The following CACNA1I variants were observed in gnomAD, a reference collection of about 807,000 sequenced individuals.
The protein encoded by CACNA1I is voltage-dependent T-type calcium channel subunit alpha-1I.
CACNA1I carries 74 observed loss-of-function variants against 201.6 expected under a neutral mutation model. The ratio of observed to expected loss-of-function variants is 0.37; its 90% CI spans 0.30 to 0.45. CACNA1I has a LOEUF of 0.45. Ranked by LOEUF, CACNA1I falls within the 20% of genes least tolerant of loss-of-function variation. The pLI is 1.00. For synonymous variants in CACNA1I, 1,431 were observed against 1,345.2 expected (o/e 1.06, Z -1.40); for missense variants, 2,346 against 3,138.1 (o/e 0.75, Z 6.03).
At position 39,687,067 on chromosome 22, in the gene CACNA1I, A is replaced by G. The variant is rs953661668; in HGVS notation, c.*662A>G. On this transcript the variant is annotated 3_prime_UTR_variant, in exon 37 of 37. Coordinates refer to ENST00000402142, the MANE Select transcript of CACNA1I (RefSeq NM_021096.4). ...AAGTCTTTCGTAGACACCCCAGAGC[A>G]CACACATCCCCTTAGTCCACCGGTT... The G allele has an allele frequency of 2.6e-5, 4 of 152,152 alleles. No homozygotes were observed. The highest frequency in any genetic ancestry group is 5.9e-5 in the Non-Finnish European group (4 of 68,046). 9.4% of individuals were successfully genotyped at this position (152,152 alleles called of 1,614,324 possible).
At position 39,677,202 on chromosome 22, in the gene CACNA1I, A is replaced by G. The variant is rs1286508345; in HGVS notation, c.4855-139A>G. Reference sequence around the variant, plus strand: ...GGTCCTGTAGGGGTGGCAGACGTGGACACACAGCCTGGGGGAATGTTACAG... The same window carrying G: ...GGTCCTGTAGGGGTGGCAGACGTGGGCACACAGCCTGGGGGAATGTTACAG... On this transcript the variant is annotated intron_variant, in intron 29 of 36. Coordinates refer to ENST00000402142, the MANE Select transcript of CACNA1I (RefSeq NM_021096.4). This position sits in a 1 kb window ranked among gnomAD's most constrained non-coding sequence, Gnocchi z 4.8. The G allele has an allele frequency of 1.6e-6, 1 of 612,928 alleles. No individual in the cohort carries two copies. The highest frequency in any genetic ancestry group is 1.9e-5 in the African/African-American group (1 of 53,800). The allele number at this position is 612,928 out of a possible 1,614,324, so 38.0% of individuals were successfully genotyped here.
chr22:39,620,739 G>GTTGTTTGT (rs565416020), intron 4 of CACNA1I, among the ~76,000 whole-genome samples: 1 of 137,868 alleles, frequency 7.3e-6, no homozygotes. Context: ...TTTTGTTGTT[G>GTTGTTTGT]TTGTTTGTTT....
chr22:39,684,958 T>G lies in CACNA1I; in HGVS notation c.6027+460T>G. 6 of 260,516 alleles carry G rather than the reference T, an allele frequency of 2.3e-5. No homozygotes were observed. Among genetic ancestry groups the G allele is most frequent in the East Asian group, 1.8e-4 (2 of 11,062 alleles). The allele number at this position is 260,516 out of a possible 1,614,324, so 16.1% of individuals were successfully genotyped here. A position where few individuals can be genotyped will look rare whatever the true frequency, so the allele number is the denominator to read the frequency against. On this transcript the variant is annotated intron_variant, in intron 36 of 36. Transcript: ENST00000402142. This position sits in a 1 kb window ranked among gnomAD's most constrained non-coding sequence, Gnocchi z 4.6. ...GGCTGCAGGGTCCCCCGTACTGGAT[T>G]GGCCAGGGCCACAGCCCTCCTACCC...
intron 14 of CACNA1I, 64 bp from the exon 15 acceptor site, chr22:39,660,280 A>G: frequency 7.8e-7 from 1 of 1,276,126 alleles, no homozygotes; most frequent in Non-Finnish European, 1.1e-6. Context: ...GAAAAATTCT[A>G]GAGGGAGCTG....
Position 39,646,715 on chromosome 22 carries a change from C to T in CACNA1I, c.1296C>T (p.Gly432=), listed in dbSNP as rs61623451. The change falls in exon 8 of 37, where the codon GGC becomes GGT. Residue 432 remains glycine, a synonymous_variant. Coordinates refer to ENST00000402142, the MANE Select transcript of CACNA1I (RefSeq NM_021096.4). The part of the protein sequence containing the change: ...SSTVASYAEP[G]DCYEEIFQYV... The stretch of plus-strand genomic sequence containing the variant: ...CGGTGGCCAGCTACGCCGAGCCTGG[C>T]GACTGCTACGAGGAGATCTTCCAGT... The T allele has an allele frequency of 0.011, 18,245 of 1,596,450 alleles. 136 individuals are homozygous for T. The highest frequency in any genetic ancestry group is 0.013 in the Non-Finnish European group (15,727 of 1,171,794).
chr22:39,618,010 GGAGT>G (rs1456402016), intron 3 of CACNA1I, among the ~76,000 whole-genome samples: 1 of 151,890 alleles, frequency 6.6e-6, no homozygotes, highest in African/African-American at 2.4e-5. Flanking sequence ...GTCCAAGAAG[GGAGT>G]GAGTGTGTGT....
chr22:39,664,079 C>G lies in CACNA1I; in HGVS notation c.3598-12C>G. 6.2e-7 allele frequency: 1 copy of G among 1,612,204 alleles called. No individual in the cohort carries two copies. The highest frequency in any genetic ancestry group is 8.5e-7 in the Non-Finnish European group (1 of 1,178,542). ...GAGCCCCTGAGCCTATGGTATCTCCCGATGCTTTCAGGAACGCATCTTTCT... is the reference window on the plus strand; with the variant it reads ...GAGCCCCTGAGCCTATGGTATCTCCGGATGCTTTCAGGAACGCATCTTTCT... On this transcript the variant is annotated splice_polypyrimidine_tract_variant and intron_variant, in intron 19 of 36. Transcript: ENST00000402142.
At chr22:39,573,400 C>T (rs1236450386) in intron 1 of CACNA1I, among the ~76,000 whole-genome samples, 5 of 152,100 alleles carry the variant, frequency 3.3e-5, no homozygotes, top group Non-Finnish European at 7.4e-5. Flanking sequence ...CCAGCTGCGT[C>T]TCTGATGGGC....
chr22:39,587,916 C>T (rs1435869211), intron 1 of CACNA1I, among the ~76,000 whole-genome samples: 3 of 151,856 alleles, frequency 2.0e-5, no homozygotes, highest in African/African-American at 7.3e-5. Context: ...GCTGGGACTA[C>T]AGGCATGTGC....
rs373791511 is a variant in CACNA1I at position 39,595,316 on chromosome 22, AAAAAT to A, written c.237-2820_237-2816del. On this transcript the variant is annotated intron_variant, in intron 1 of 36. Transcript: ENST00000402142. ...ATAAATAAATAAATAAACAAAAATA[AAAAAT>A]AAAATAAAATAAAACAATTAGGCCA... Among the ~76,000 whole-genome samples the A allele has an allele frequency of 7.9e-3, 1,186 of 150,564 alleles. 15 individuals are homozygous for A. The highest frequency in any genetic ancestry group is 0.025 in the African/African-American group (1,029 of 40,966).
Position 39,647,788 on chromosome 22 carries a change from G to A in CACNA1I, c.1463-34G>A, listed in dbSNP as rs565961010. On this transcript the variant is annotated intron_variant, in intron 8 of 36. Transcript: ENST00000402142. ...CTGTTCCAGGAAACGGTCCTGAGAA[G>A]GGAGAAGATAGTAATATTATCTCCA... is the stretch of plus-strand genomic sequence containing the variant. 1.2e-4 allele frequency: 163 copies of A among 1,411,334 alleles called. 2 individuals carry two copies. In the South Asian group the frequency reaches 1.2e-3, roughly 11 times the overall value. The allele number at this position is 1,411,334 out of a possible 1,614,324, so 87.4% of individuals were successfully genotyped here.
intron 10 of CACNA1I, among the ~76,000 whole-genome samples, chr22:39,651,142 C>T (rs776529527): frequency 4.6e-5 from 7 of 151,886 alleles, no homozygotes; most frequent in Admixed American, 2.6e-4. Context: ...TGAGGTCCAA[C>T]GGCGGGGAAG....
Position 39,658,191 on chromosome 22 carries a change from G to T in CACNA1I, c.2032G>T (p.Val678Phe). The change falls in exon 11 of 37, where the codon GTC (valine) becomes TTC (phenylalanine). Residue 678 changes from valine to phenylalanine, a missense_variant. Val to Phe is a conservative substitution (Grantham distance 50, BLOSUM62 -1). Coordinates refer to ENST00000402142, the MANE Select transcript of CACNA1I (RefSeq NM_021096.4). Reference sequence around the variant, plus strand: ...CAACATCCTGGAGATCTGCAATGTGGTCTTCACCAGCATGTTTGCCCTGGA... The same window carrying T: ...CAACATCCTGGAGATCTGCAATGTGTTCTTCACCAGCATGTTTGCCCTGGA... ...LTNILEICNV[V>F]FTSMFALEMI... is the part of the protein sequence containing the mutation. 2 of 1,613,976 alleles carry T rather than the reference G, an allele frequency of 1.2e-6. No homozygotes were observed. The highest frequency in any genetic ancestry group is 1.7e-6 in the Non-Finnish European group (2 of 1,179,868).
At chr22:39,654,983 G>C (rs1452237784) in intron 10 of CACNA1I, among the ~76,000 whole-genome samples, 2 of 152,120 alleles carry the variant, frequency 1.3e-5, no homozygotes, top group South Asian at 2.1e-4. Flanking sequence ...ATCAGAAAAG[G>C]GGGGCAGGTG....
At chr22:39,671,383 A>T (rs1176073635) in intron 26 of CACNA1I, among the ~76,000 whole-genome samples, 1 of 152,198 alleles carries the variant, frequency 6.6e-6, no homozygotes, top group South Asian at 2.1e-4. Flanking sequence ...TGCCCAAATT[A>T]CTCAGCCATA....
chr22:39,577,723 C>A (rs1442504360), intron 1 of CACNA1I, among the ~76,000 whole-genome samples: 1 of 152,242 alleles, frequency 6.6e-6, no homozygotes, highest in Non-Finnish European at 1.5e-5. Flanking sequence ...GACCAGCGTG[C>A]CGGCTGAGGG....
chr22:39,633,397 C>T (rs1934117795), intron 4 of CACNA1I, among the ~76,000 whole-genome samples: 1 of 152,134 alleles, frequency 6.6e-6, no homozygotes, highest in Admixed American at 6.5e-5. Flanking sequence ...CTAGGTTGTG[C>T]AGTATACAAC....
intron 32 of CACNA1I, 109 bp downstream of exon 32, chr22:39,679,554 C>A: frequency 9.4e-7 from 1 of 1,060,614 alleles, no homozygotes; most frequent in Non-Finnish European, 1.3e-6. Flanking sequence ...TCTTTCTGGG[C>A]CCCACCCTGC....
At position 39,680,952 on chromosome 22, in the gene CACNA1I, CCTT is replaced by C. The variant is rs774891224; in HGVS notation, c.5567_5569del (p.Phe1856del). 2.5e-6 allele frequency: 4 copies of C among 1,611,266 alleles called. No individual in the cohort carries two copies. The highest frequency in any genetic ancestry group is 1.3e-5 in the African/African-American group (1 of 74,940). On this transcript the variant is annotated inframe_deletion, in exon 34 of 37. Coordinates refer to ENST00000402142, the MANE Select transcript of CACNA1I (RefSeq NM_021096.4). ...CAGGTGCAGCTGGCTGAGACGGAGG[CCTT>C]CTCCCTGAACTCAGACAGGTCCTCG... is the stretch of plus-strand genomic sequence containing the variant.
Sources: gnomAD v4.1 joint callset for allele counts (sites outside exome capture counted in the v4.1 genomes callset) on GRCh38, gnomAD v4.1.1 for gene constraint, Gnocchi (gnomAD v3.1) non-coding constraint, MANE v1.5 for transcripts, NCBI Gene and HGNC (gene_info 2026-07-23, HGNC 2026-07-21) for gene names.